UBE2V2: variants seen among roughly 807,000 people sequenced by gnomAD.
UBE2V2 encodes the protein ubiquitin-conjugating enzyme E2 variant 2.
A neutral mutation model predicts 17.2 loss-of-function variants in UBE2V2; 9 were observed. That is an observed-to-expected ratio of 0.52 (90% CI 0.32 to 0.91). UBE2V2 has a LOEUF of 0.91. Ranked by LOEUF, UBE2V2 falls within the 40% of genes least tolerant of loss-of-function variation. UBE2V2 has a pLI of 0.04. For synonymous variants in UBE2V2, 61 were observed against 57.5 expected (o/e 1.06, Z -0.28); for missense variants, 133 against 182.6 (o/e 0.73, Z 1.56).
chr8:48,044,638 T>A (rs910448929), intron 2 of UBE2V2, among the ~76,000 whole-genome samples: 1 of 152,134 alleles, frequency 6.6e-6, no homozygotes, highest in Non-Finnish European at 1.5e-5. Context: ...GAAGGAAATA[T>A]AATGTTGATA....
intron 1 of UBE2V2, among the ~76,000 whole-genome samples, chr8:48,039,769 G>A (rs1364362307): frequency 6.6e-6 from 1 of 151,360 alleles, no homozygotes; most frequent in East Asian, 1.9e-4. Flanking sequence ...GTTTCACTCT[G>A]TGGCCCAGGC....
At position 48,036,023 on chromosome 8, in the gene UBE2V2, T is replaced by C. The variant is rs538939599; in HGVS notation, c.17-7010T>C. 4.1e-5 allele frequency among the ~76,000 whole-genome samples: 6 copies of C among 147,072 alleles called. No individual in the cohort carries two copies. The East Asian group carries it at 1.2e-3, about 30-fold the overall frequency. On this transcript the variant is annotated intron_variant, in intron 1 of 3. Transcript: ENST00000523111. ...TAGAGTGTGGTGGCGTGAACAAACA[T>C]GGCTCACTGCAGCCTCTACCTCCCA... is the stretch of plus-strand genomic sequence containing the variant.
chr8:48,019,060 A>G (rs187158635), intron 1 of UBE2V2, among the ~76,000 whole-genome samples: 2 of 151,930 alleles, frequency 1.3e-5, no homozygotes, highest in Non-Finnish European at 2.9e-5. Flanking sequence ...GCGAAATCCC[A>G]TCTCTATTAA....
In UBE2V2 at chr8:48,013,518, C is replaced by A. The variant is rs1211784375; in HGVS notation, c.16+5048C>A. Among the ~76,000 whole-genome samples the A allele has an allele frequency of 5.9e-5, 9 of 152,086 alleles. No individual in the cohort carries two copies. In the East Asian group the frequency reaches 1.8e-3, roughly 30 times the overall value. On this transcript the variant is annotated intron_variant, in intron 1 of 3. Transcript: ENST00000523111. ...TAGAAGTGGGGTTTCACCGTGTTAG[C>A]CGGGATGGTCTCGATCTCCTGACCT...
At chr8:48,051,857 C>T (rs2091540964) in intron 3 of UBE2V2, among the ~76,000 whole-genome samples, 1 of 152,132 alleles carries the variant, frequency 6.6e-6, no homozygotes, top group South Asian at 2.1e-4. Flanking sequence ...AAACCTTAGC[C>T]CTGCACCTGC....
chr8:48,046,394 A>T (rs1440962052), intron 2 of UBE2V2, among the ~76,000 whole-genome samples: 1 of 152,100 alleles, frequency 6.6e-6, no homozygotes, highest in Non-Finnish European at 1.5e-5. Context: ...CTGGGATTAC[A>T]GGCGTGAGCC....
At chr8:48,029,015 C>T (rs2091365715) in intron 1 of UBE2V2, among the ~76,000 whole-genome samples, 1 of 151,962 alleles carries the variant, frequency 6.6e-6, no homozygotes, top group South Asian at 2.1e-4. Context: ...CAGATTCTGG[C>T]TTTTTGTATG....
intron 3 of UBE2V2, 38 bp from the exon 4 acceptor site, chr8:48,060,644 A>G: frequency 7.2e-7 from 1 of 1,388,330 alleles, no homozygotes; most frequent in Non-Finnish European, 9.4e-7. Flanking sequence ...TAGTACTTTA[A>G]ACTTGCTAGT....
chr8:48,036,213 C>T (rs1178545402), intron 1 of UBE2V2, among the ~76,000 whole-genome samples: 1 of 151,296 alleles, frequency 6.6e-6, no homozygotes, highest in Non-Finnish European at 1.5e-5. Context: ...CCTTGGCCTC[C>T]CAAAGTGTTA....
intron 1 of UBE2V2, among the ~76,000 whole-genome samples, chr8:48,023,052 C>T (rs2091316448): frequency 1.3e-5 from 2 of 151,954 alleles, no homozygotes; most frequent in Non-Finnish European, 2.9e-5. Flanking sequence ...TCTCTTGCTG[C>T]CTTGAGGATT....
At chr8:48,009,889 T>C (rs1166170534) in intron 1 of UBE2V2, among the ~76,000 whole-genome samples, 3 of 152,200 alleles carry the variant, frequency 2.0e-5, no homozygotes, top group Admixed American at 1.3e-4. Flanking sequence ...AGTGGAATTT[T>C]AGTGTTATGA....
intron 1 of UBE2V2, among the ~76,000 whole-genome samples, chr8:48,029,736 C>G (rs2091370163): frequency 6.6e-6 from 1 of 152,174 alleles, no homozygotes; most frequent in Non-Finnish European, 1.5e-5. Flanking sequence ...GTTATGTCCT[C>G]AGAGGAAATA....
At chr8:48,019,929 C>T (rs990267666) in intron 1 of UBE2V2, among the ~76,000 whole-genome samples, 2 of 152,126 alleles carry the variant, frequency 1.3e-5, no homozygotes, top group Admixed American at 6.6e-5. Flanking sequence ...CAAGATCCTG[C>T]GACTGTACTC....
intron 1 of UBE2V2, among the ~76,000 whole-genome samples, chr8:48,039,658 A>G (rs369260079): frequency 4.6e-5 from 7 of 152,096 alleles, no homozygotes; most frequent in Admixed American, 1.3e-4. Context: ...TATGTATACT[A>G]TGAGATCAGA....
At chr8:48,004,323 A>T (rs774083539), upstream of UBE2V2, among the ~76,000 whole-genome samples, 1 of 152,188 alleles carries the variant, frequency 6.6e-6, no homozygotes, top group Non-Finnish European at 1.5e-5. Context: ...CTCAGCAGAC[A>T]AACTTGGGGA....
chr8:48,009,426 C>G (rs1051627210), intron 1 of UBE2V2, among the ~76,000 whole-genome samples: 1 of 151,702 alleles, frequency 6.6e-6, no homozygotes, highest in Non-Finnish European at 1.5e-5. Context: ...CCACCAGGCC[C>G]GGCTAATTTT....
intron 1 of UBE2V2, among the ~76,000 whole-genome samples, chr8:48,029,183 G>A (rs948135346): frequency 3.3e-5 from 5 of 151,926 alleles, no homozygotes; most frequent in Non-Finnish European, 5.9e-5. Context: ...AAAAAAATTA[G>A]CTGGGCACAA....
At chr8:48,045,212 G>A (rs1219838909) in intron 2 of UBE2V2, among the ~76,000 whole-genome samples, 1 of 152,144 alleles carries the variant, frequency 6.6e-6, no homozygotes, top group Non-Finnish European at 1.5e-5. Context: ...CAAGCTTCAC[G>A]CTGAGGCACT....
intron 3 of UBE2V2, among the ~76,000 whole-genome samples, chr8:48,059,860 C>T (rs533745278): frequency 6.6e-6 from 1 of 152,128 alleles, no homozygotes; most frequent in East Asian, 1.9e-4. Flanking sequence ...TGACAGTTAA[C>T]TGGGAATGGG....
Sources: gnomAD v4.1 joint callset for allele counts (sites outside exome capture counted in the v4.1 genomes callset) on GRCh38, gnomAD v4.1.1 for gene constraint, MANE v1.5 for transcripts, NCBI Gene and HGNC (gene_info 2026-07-23, HGNC 2026-07-21) for gene names.